ALPK1: variants seen among roughly 807,000 people sequenced by gnomAD.
ALPK1 encodes alpha-protein kinase 1.
In ALPK1, 110 loss-of-function variants were observed where a neutral mutation model predicts 120.6. That is an observed-to-expected ratio of 0.91 (90% CI 0.78 to 1.07). The LOEUF is 1.07. Among genes scored for constraint, ALPK1 ranks in the 50% least tolerant of loss-of-function variants. The pLI is 0.00. For synonymous variants in ALPK1, 582 were observed against 560.3 expected (o/e 1.04, Z -0.55); for missense variants, 1,498 against 1,483.9 (o/e 1.01, Z -0.16).
chr4:112,320,727 G>A (rs1192082496), intron 2 of ALPK1, among the ~76,000 whole-genome samples: 1 of 151,900 alleles, frequency 6.6e-6, no homozygotes, highest in Non-Finnish European at 1.5e-5. Flanking sequence ...CTTGTTATTG[G>A]TCTGTTCAGA....
intron 4 of ALPK1, among the ~76,000 whole-genome samples, chr4:112,394,784 G>A (rs1732578561): frequency 6.6e-6 from 1 of 152,196 alleles, no homozygotes; most frequent in African/African-American, 2.4e-5. Flanking sequence ...TGAAGACTGA[G>A]CCAAGTCCTG....
At chr4:112,375,882 G>C (rs1731636428) in intron 2 of ALPK1, among the ~76,000 whole-genome samples, 1 of 151,950 alleles carries the variant, frequency 6.6e-6, no homozygotes, top group Admixed American at 6.6e-5. Context: ...TGAGATGTGT[G>C]ACTCTTCCTT....
In ALPK1 at chr4:112,314,460, G is replaced by A. The variant is rs185830223; in HGVS notation, c.-152-1341G>A. Among the ~76,000 whole-genome samples the A allele has an allele frequency of 1.7e-4, 26 of 152,298 alleles. No homozygotes were observed. The East Asian group carries it at 4.6e-3, about 27-fold the overall frequency. On this transcript the variant is annotated intron_variant, in intron 1 of 15. Coordinates refer to ENST00000650871, the MANE Select transcript of ALPK1 (RefSeq NM_025144.4). The stretch of plus-strand genomic sequence containing the variant: ...AAAATCTGGAAGGGTTGCTGTGATT[G>A]ATGATAACAAAATTTAGGCTGTATG...
intron 14 of ALPK1, 92 bp downstream of exon 14, chr4:112,439,964 G>A (rs1286976615): frequency 5.4e-5 from 61 of 1,128,582 alleles, no homozygotes; most frequent in Non-Finnish European, 6.9e-5. Context: ...TTAATAGATT[G>A]TTCCATGTAT....
chr4:112,401,565 G>T (rs1229470724), intron 4 of ALPK1, among the ~76,000 whole-genome samples: 1 of 152,162 alleles, frequency 6.6e-6, no homozygotes, highest in African/African-American at 2.4e-5. Context: ...ACACCAGTGT[G>T]CTGGAGGAAT....
At chr4:112,429,544 C>A (rs910315848) in intron 10 of ALPK1, among the ~76,000 whole-genome samples, 2 of 152,146 alleles carry the variant, frequency 1.3e-5, no homozygotes, top group Admixed American at 1.3e-4. Flanking sequence ...TCTCAAAATA[C>A]ATATTCCTGC....
rs1729374440 is a variant in ALPK1 at position 112,331,651 on chromosome 4, C to A, written c.-101+15799C>A. On this transcript the variant is annotated intron_variant, in intron 2 of 15. Transcript: ENST00000650871. ...TTATGCATAAACATCAGTAAATCAG[C>A]CTTGGACATTTTCTATCCTGTCCAT... Among the ~76,000 whole-genome samples the A allele has an allele frequency of 1.3e-5, 2 of 152,176 alleles. 1 individual carries two copies. Among genetic ancestry groups the A allele is most frequent in the South Asian group, 4.1e-4 (2 of 4,832 alleles).
At chr4:112,377,295 G>A (rs1261954296) in intron 2 of ALPK1, among the ~76,000 whole-genome samples, 1 of 152,188 alleles carries the variant, frequency 6.6e-6, no homozygotes, top group Admixed American at 6.5e-5. Flanking sequence ...TCTAATATTA[G>A]AACTGCTAGC....
chr4:112,324,144 A>G (rs1026410714), intron 2 of ALPK1, among the ~76,000 whole-genome samples: 6 of 152,020 alleles, frequency 3.9e-5, no homozygotes, highest in Admixed American at 6.5e-5. Flanking sequence ...TGGCTAATAC[A>G]GTGAAACCCC....
intron 2 of ALPK1, among the ~76,000 whole-genome samples, chr4:112,323,900 T>C (rs1728972733): frequency 6.6e-6 from 1 of 152,242 alleles, no homozygotes; most frequent in Non-Finnish European, 1.5e-5. Flanking sequence ...CATGCTGACA[T>C]CTGCTCCTCA....
At chr4:112,404,003 G>T (rs527455710) in intron 4 of ALPK1, among the ~76,000 whole-genome samples, 2 of 152,222 alleles carry the variant, frequency 1.3e-5, no homozygotes, top group Non-Finnish European at 2.9e-5. Flanking sequence ...AAAGCAATTC[G>T]CACGTGTGTG....
At chr4:112,305,945 G>T (rs1442678792) in intron 1 of ALPK1, among the ~76,000 whole-genome samples, 2 of 152,054 alleles carry the variant, frequency 1.3e-5, no homozygotes, top group Non-Finnish European at 2.9e-5. Context: ...TTTATTGAGA[G>T]TTTTTAGCAT....
chr4:112,438,645 T>C lies in ALPK1; in HGVS notation c.3350T>C (p.Leu1117Pro), dbSNP rs35756863. Residue 1117 changes from leucine to proline, a missense_variant and splice_region_variant, in exon 13 of 16, where the codon CTG becomes CCG. Physicochemically the swap from Leu to Pro is moderately conservative, Grantham distance 98. Coordinates refer to ENST00000650871, the MANE Select transcript of ALPK1 (RefSeq NM_025144.4). ...TTCTACATCCCATCCACAATACTACTGGTAAGATTATCCTGAACACATCAT... is the reference window on the plus strand; with the variant it reads ...TTCTACATCCCATCCACAATACTACCGGTAAGATTATCCTGAACACATCAT... ...QIFYIPSTIL[L>P]ILEDKTIKGC... The C allele has an allele frequency of 9.8e-3, 15,776 of 1,613,076 alleles. 90 individuals carry two copies. The highest frequency in any genetic ancestry group is 0.012 in the Non-Finnish European group (13,984 of 1,179,304).
intron 1 of ALPK1, among the ~76,000 whole-genome samples, chr4:112,302,813 C>A (rs541894193): frequency 6.6e-6 from 1 of 152,160 alleles, no homozygotes; most frequent in Non-Finnish European, 1.5e-5. Flanking sequence ...CTGTGCCTCT[C>A]AGCCACATTC....
At chr4:112,413,719 C>T (rs1733600514) in intron 5 of ALPK1, among the ~76,000 whole-genome samples, 2 of 151,980 alleles carry the variant, frequency 1.3e-5, no homozygotes, top group South Asian at 4.2e-4. Flanking sequence ...ATGCCTGACC[C>T]GGTTTCCTTT....
At chr4:112,364,684 G>A (rs749977944) in intron 2 of ALPK1, among the ~76,000 whole-genome samples, 91 of 152,224 alleles carry the variant, frequency 6.0e-4, no homozygotes, top group Middle Eastern at 6.8e-3. Context: ...GAGAAAGAGG[G>A]AATCTTCCCT....
Position 112,431,123 on chromosome 4 carries a change from A to G in ALPK1, c.1576A>G (p.Asn526Asp). Reference sequence around the variant, plus strand: ...AATATCTTCCTCCCTAATGGGTAAGAATGTTCAGAGGGAACTCAGAAGGGG... The same window carrying G: ...AATATCTTCCTCCCTAATGGGTAAGGATGTTCAGAGGGAACTCAGAAGGGG... ...TGISSSLMGKNVQRELRRGGR... is the reference protein window; with the variant it reads ...TGISSSLMGKDVQRELRRGGR... The change falls in exon 11 of 16, where the codon AAT (asparagine) becomes GAT (aspartate). Residue 526 changes from asparagine (N) to aspartate (D), a missense_variant. Asn to Asp is a conservative substitution (Grantham distance 23, BLOSUM62 1). Transcript: ENST00000650871. The G allele has an allele frequency of 1.2e-6, 2 of 1,614,198 alleles. No homozygotes were observed. The highest frequency in any genetic ancestry group is 1.7e-5 in the Admixed American group (1 of 60,024).
Position 112,438,588 on chromosome 4 carries a change from G to A in ALPK1, c.3293G>A (p.Arg1098Lys), listed in dbSNP as rs770828975. The change falls in exon 13 of 16, where the codon AGA (arginine) becomes AAA (lysine). Residue 1098 changes from arginine (R) to lysine (K), a missense_variant. Physicochemically the swap from Arg to Lys is conservative, Grantham distance 26. Transcript: ENST00000650871. The stretch of plus-strand genomic sequence containing the variant: ...CACTATGTGACAGAATTTAACAAGA[G>A]ACTCTATGAACAAAACATTCCCACC... ...AQHYVTEFNK[R>K]LYEQNIPTQI... is the part of the protein sequence containing the mutation. The A allele has an allele frequency of 6.2e-7, 1 of 1,613,730 alleles. No homozygotes were observed. The highest frequency in any genetic ancestry group is 1.7e-5 in the Admixed American group (1 of 59,982).
chr4:112,325,661 C>G (rs1018936836), intron 2 of ALPK1, among the ~76,000 whole-genome samples: 1 of 152,152 alleles, frequency 6.6e-6, no homozygotes, highest in African/African-American at 2.4e-5. Context: ...TTTTAGCCTC[C>G]CTGCCCCACT....
Sources: gnomAD v4.1 joint callset for allele counts (sites outside exome capture counted in the v4.1 genomes callset) on GRCh38, gnomAD v4.1.1 for gene constraint, MANE v1.5 for transcripts, NCBI Gene and HGNC (gene_info 2026-07-23, HGNC 2026-07-21) for gene names.